The following EPG5 variants were observed in gnomAD, a reference collection of about 807,000 sequenced individuals.
The protein encoded by EPG5 is ectopic P-granules 5 autophagy tethering factor, also known as ectopic P granules protein 5 homolog.
Under a neutral mutation model 302.7 loss-of-function variants are expected in EPG5, and 159 were observed. The ratio of observed to expected loss-of-function variants is 0.53; its 90% CI spans 0.46 to 0.60. The LOEUF is 0.60. Among genes scored for constraint, EPG5 ranks in the 20% least tolerant of loss-of-function variants. EPG5 has a pLI of 0.00. For synonymous variants in EPG5, 1,158 were observed against 1,136.8 expected, an observed-to-expected ratio of 1.02 and a Z score of -0.37; for missense variants, 2,896 against 3,092.4, an observed-to-expected ratio of 0.94 and a Z score of 1.51.
At chr18:45,907,920 T>TAAAAAAAAAAAAA (rs542412749) in intron 24 of EPG5, 38 bp downstream of exon 24, 1 of 1,211,766 alleles carries the variant, frequency 8.3e-7, no homozygotes, top group African/African-American at 1.8e-5. Context: ...TCAGATATGC[T>TAAAAAAAAAAAAA]AAAAAAAAAA....
intron 30 of EPG5, among the ~76,000 whole-genome samples, 174 bp from the exon 31 acceptor site, chr18:45,882,661 G>A (rs2049122739): frequency 6.6e-6 from 1 of 152,016 alleles, no homozygotes; most frequent in South Asian, 2.1e-4. Flanking sequence ...GAAGCTAATT[G>A]TAAAATAAAT....
At chr18:45,879,239 A>T (rs1276690578) in intron 32 of EPG5, 25 bp from the exon 33 acceptor site, 14 of 1,538,796 alleles carry the variant, frequency 9.1e-6, no homozygotes, top group Non-Finnish European at 1.2e-5. Context: ...TAGTCAAAAA[A>T]TGCTTACTAA....
chr18:45,905,857 A>T (rs2049737788), intron 24 of EPG5, among the ~76,000 whole-genome samples: 1 of 152,242 alleles, frequency 6.6e-6, no homozygotes, highest in African/African-American at 2.4e-5. Flanking sequence ...CCATGTACAA[A>T]GCCTTGGATA....
At chr18:45,898,823 C>T (rs144797559) in intron 27 of EPG5, among the ~76,000 whole-genome samples, 14 of 152,284 alleles carry the variant, frequency 9.2e-5, no homozygotes, top group East Asian at 7.7e-4. Flanking sequence ...TGTATCATCA[C>T]CAAAGTCTTT....
the EPG5 span, chr18:45,842,135 A>T: frequency 6.2e-7 from 1 of 1,614,052 alleles, no homozygotes; most frequent in Non-Finnish European, 8.5e-7. Context: ...AATTATGAAA[A>T]TTTGAGCCAG....
chr18:45,901,152 A>G lies in EPG5; in HGVS notation c.4490T>C (p.Leu1497Ser). 6.2e-7 allele frequency: 1 copy of G among 1,614,114 alleles called. No individual in the cohort carries two copies. Among genetic ancestry groups the G allele is most frequent in the Non-Finnish European group, 8.5e-7 (1 of 1,180,012 alleles). ...TDPLLAKERV[L>S]SNLRKHEAPQ... ...AGCCTCATGCTTCCGCAAGTTACTT[A>G]AAACCCTTTCTTTAGCTGAAAGAAA... Residue 1497 changes from leucine to serine, a missense_variant, in exon 26 of 44, where the codon TTA (leucine) becomes TCA (serine). Transcript: ENST00000282041.
At chr18:45,966,405 T>C (rs892344763) in intron 1 of EPG5, among the ~76,000 whole-genome samples, 15 of 151,324 alleles carry the variant, frequency 9.9e-5, no homozygotes, top group Admixed American at 7.9e-4. Context: ...CATATACATA[T>C]ATATACACAC....
chr18:45,917,831 G>C lies in EPG5; in HGVS notation c.3099-12C>G. Reference sequence around the variant, plus strand: ...AGAACTTCTCAATGCTATGGAAAAAGAGAAAGGCACTGAATACACAAGGGA... The same window carrying C: ...AGAACTTCTCAATGCTATGGAAAAACAGAAAGGCACTGAATACACAAGGGA... On this transcript the variant is annotated splice_polypyrimidine_tract_variant and intron_variant, in intron 16 of 43. Coordinates refer to ENST00000282041, the MANE Select transcript of EPG5 (RefSeq NM_020964.3). 2 of 1,613,904 alleles carry C rather than the reference G, an allele frequency of 1.2e-6. No individual in the cohort carries two copies. The highest frequency in any genetic ancestry group is 1.7e-6 in the Non-Finnish European group (2 of 1,179,860).
chr18:45,817,897 A>G, the EPG5 span, among the ~76,000 whole-genome samples: 3 of 152,230 alleles, frequency 2.0e-5, 1 homozygote, highest in African/African-American at 7.2e-5. Flanking sequence ...GGAAAGAAGG[A>G]AGGAGTATAC....
At chr18:45,808,813 C>T in the EPG5 span, among the ~76,000 whole-genome samples, 3 of 65,390 alleles carry the variant, frequency 4.6e-5, no homozygotes, top group South Asian at 4.2e-4. Context: ...AACAAAAATA[C>T]AATTAAAAAA....
At chr18:45,956,600 G>A (rs1200545183) in intron 1 of EPG5, among the ~76,000 whole-genome samples, 1 of 151,980 alleles carries the variant, frequency 6.6e-6, no homozygotes, top group Non-Finnish European at 1.5e-5. Context: ...GGGACTACAG[G>A]CACCTGACTA....
At chr18:45,835,562 G>A in the EPG5 span, among the ~76,000 whole-genome samples, 4 of 152,158 alleles carry the variant, frequency 2.6e-5, no homozygotes, top group Admixed American at 6.5e-5. Context: ...ATCTCATTTC[G>A]TAGAGGTCAG....
intron 25 of EPG5, 71 bp from the exon 26 acceptor site, chr18:45,901,238 A>C: frequency 7.8e-7 from 1 of 1,285,220 alleles, no homozygotes; most frequent in Non-Finnish European, 1.1e-6. Context: ...CATGTGGTAC[A>C]ATTCAGTAGA....
chr18:45,856,754 C>G (rs1222090223), intron 42 of EPG5, among the ~76,000 whole-genome samples: 1 of 152,074 alleles, frequency 6.6e-6, no homozygotes, highest in Non-Finnish European at 1.5e-5. Context: ...TTTGCAAACT[C>G]TTTTCAACAC....
At chr18:45,907,511 G>A (rs957604151) in intron 24 of EPG5, among the ~76,000 whole-genome samples, 4 of 152,068 alleles carry the variant, frequency 2.6e-5, no homozygotes, top group African/African-American at 9.7e-5. Flanking sequence ...TGACAAGTAA[G>A]CACCTCCAAG....
At chr18:45,862,923 T>G (rs1439122732) in intron 39 of EPG5, among the ~76,000 whole-genome samples, 1 of 152,268 alleles carries the variant, frequency 6.6e-6, no homozygotes, top group Admixed American at 6.5e-5. Context: ...TCTATTATGA[T>G]TATTCCTTTG....
intron 27 of EPG5, among the ~76,000 whole-genome samples, chr18:45,898,269 CCACTTACGGGCTGTGG>C (rs1289806091): frequency 1.3e-5 from 2 of 152,220 alleles, no homozygotes; most frequent in South Asian, 2.1e-4. Context: ...TCTGGCTGTG[CCACTTACGGGCTGTGG>C]CACTTCAGGT....
the EPG5 span, chr18:45,840,083 G>T: frequency 2.0e-6 from 2 of 988,652 alleles, no homozygotes. Flanking sequence ...CACCCTGCTA[G>T]TCTGCTGTTT....
chr18:45,874,031 G>A (rs554318263), intron 35 of EPG5, among the ~76,000 whole-genome samples: 27 of 152,352 alleles, frequency 1.8e-4, no homozygotes, highest in South Asian at 4.1e-4. Flanking sequence ...CAGGCAGAGC[G>A]CAGAGGATTT....
Sources: gnomAD v4.1 joint callset for allele counts (sites outside exome capture counted in the v4.1 genomes callset) on GRCh38, gnomAD v4.1.1 for gene constraint, MANE v1.5 for transcripts, NCBI Gene and HGNC (gene_info 2026-07-23, HGNC 2026-07-21) for gene names.